BAG4: variants seen among roughly 807,000 people sequenced by gnomAD.
BAG4 encodes the protein BAG family molecular chaperone regulator 4.
A neutral mutation model predicts 52.1 loss-of-function variants in BAG4; 28 were observed. That is an observed-to-expected ratio of 0.54 (90% confidence interval 0.40 to 0.74). The LOEUF (loss-of-function observed/expected upper bound fraction) is 0.74. Ranked by LOEUF, BAG4 falls within the 30% of genes least tolerant of loss-of-function variation. BAG4 has a pLI of 0.00. For missense variants in BAG4, 525 were observed against 572.0 expected (o/e 0.92, Z 0.84); for synonymous variants, 208 against 217.0 (o/e 0.96, Z 0.37).
intron 1 of BAG4, among the ~76,000 whole-genome samples, chr8:38,181,944 A>C (rs1471421761): frequency 7.4e-6 from 1 of 134,568 alleles, no homozygotes. Flanking sequence ...GTTAGAGTTG[A>C]GAAACCTTTT....
At chr8:38,187,079 G>T (rs1295085158) in intron 1 of BAG4, among the ~76,000 whole-genome samples, 10 of 151,988 alleles carry the variant, frequency 6.6e-5, no homozygotes, top group Non-Finnish European at 1.5e-5. Context: ...CCATACACTG[G>T]AAAAAAAGCA....
intron 2 of BAG4, among the ~76,000 whole-genome samples, chr8:38,198,888 C>T (rs886192580): frequency 6.6e-6 from 1 of 152,102 alleles, no homozygotes; most frequent in African/African-American, 2.4e-5. Flanking sequence ...CTGTCTTTCA[C>T]CTCCTCATCT....
At chr8:38,207,945 G>GGTACCTTAGAT (rs113135203) in intron 3 of BAG4, among the ~76,000 whole-genome samples, 179 bp downstream of exon 3, 36,626 of 151,662 alleles carry the variant, frequency 0.24, 4,571 homozygotes, top group East Asian at 0.31. Flanking sequence ...TTTGGCTGAA[G>GGTACCTTAGAT]GTCATAATCA....
At chr8:38,201,897 T>C (rs1803685425) in intron 2 of BAG4, 1 of 117,940 alleles carries the variant, frequency 8.5e-6, no homozygotes, top group Non-Finnish European at 1.7e-5. Context: ...TTTTTTTTTT[T>C]TTTTTTTTTT....
chr8:38,210,954 CTT>C lies in BAG4; in HGVS notation c.*463_*464del, dbSNP rs1803858149. 1 of 153,940 alleles carries C rather than the reference CTT, an allele frequency of 6.5e-6. No homozygotes were observed. The highest frequency in any genetic ancestry group is 6.5e-5 in the Admixed American group (1 of 15,448). The allele number at this position is 153,940 out of a possible 1,614,324, so 9.5% of individuals were successfully genotyped here. A position where few individuals can be genotyped will look rare whatever the true frequency, so the allele number is the denominator to read the frequency against. ...ACTTCATGTGTAATTATAGCTTAGA[CTT>C]TAGCCTTCTTGGACTTCTGTTTTGT... is the stretch of plus-strand genomic sequence containing the variant. On this transcript the variant is annotated 3_prime_UTR_variant, in exon 5 of 5. Coordinates refer to ENST00000287322, the MANE Select transcript of BAG4 (RefSeq NM_004874.4).
At chr8:38,205,720 C>T (rs1803759665) in intron 2 of BAG4, among the ~76,000 whole-genome samples, 1 of 152,070 alleles carries the variant, frequency 6.6e-6, no homozygotes, top group Admixed American at 6.6e-5. Context: ...TATTATACCT[C>T]ATCCTGCATG....
intron 1 of BAG4, among the ~76,000 whole-genome samples, chr8:38,192,436 TTTTTC>T (rs1803490902): frequency 6.6e-6 from 1 of 152,110 alleles, no homozygotes; most frequent in Admixed American, 6.6e-5. Flanking sequence ...CCTATTCCCT[TTTTTC>T]TTTTATTTTT....
Position 38,207,786 on chromosome 8 carries a change from G to GA in BAG4, c.633+27dup, listed in dbSNP as rs1803798375. 1.2e-6 allele frequency: 2 copies of GA among 1,609,164 alleles called. No individual in the cohort carries two copies. Among genetic ancestry groups the GA allele is most frequent in the Non-Finnish European group, 1.7e-6 (2 of 1,178,272 alleles). Reference sequence around the variant, plus strand: ...TCACAGGTGAGTTGTTTTCTATTGGGAAAAAAATGAATTCAAAGTCTCTGC... The same window carrying GA: ...TCACAGGTGAGTTGTTTTCTATTGGGAAAAAAAATGAATTCAAAGTCTCTGC... On this transcript the variant is annotated intron_variant, in intron 3 of 4. Transcript: ENST00000287322.
rs774897872 is a variant in BAG4 at position 38,209,089 on chromosome 8, G to A, written c.710G>A (p.Arg237Gln). Residue 237 changes from arginine to glutamine, a missense_variant, in exon 4 of 5, where the codon CGA (arginine) becomes CAA (glutamine). Coordinates refer to ENST00000287322, the MANE Select transcript of BAG4 (RefSeq NM_004874.4). The part of the protein sequence containing the change: ...RSVPQSGPTV[R>Q]PQEDAWASPG... ...GTTCCACAATCAGGACCGACTGTAC[G>A]ACCACAAGAAGATGCGTGGGCTTCT... The A allele has an allele frequency of 1.2e-5, 20 of 1,614,012 alleles. No homozygotes were observed. Among genetic ancestry groups the A allele is most frequent in the Admixed American group, 1.7e-5 (1 of 59,990 alleles).
chr8:38,180,611 T>TA (rs1803248061), intron 1 of BAG4, among the ~76,000 whole-genome samples: 1 of 152,016 alleles, frequency 6.6e-6, no homozygotes, highest in African/African-American at 2.4e-5. Flanking sequence ...GACTTTTTTT[T>TA]ATGTTTTGCA....
chr8:38,208,968 A>G (rs1803821283), intron 3 of BAG4, 45 bp from the exon 4 acceptor site: 3 of 1,576,588 alleles, frequency 1.9e-6, no homozygotes, highest in South Asian at 1.2e-5. Flanking sequence ...TATTTTTATT[A>G]TAAGTTTTTC....
At chr8:38,203,454 T>G (rs917682470) in intron 2 of BAG4, among the ~76,000 whole-genome samples, 4 of 151,994 alleles carry the variant, frequency 2.6e-5, no homozygotes, top group African/African-American at 9.7e-5. Context: ...AGCTAATTTT[T>G]TTGTATTTTT....
intron 2 of BAG4, among the ~76,000 whole-genome samples, chr8:38,200,482 C>G (rs980634708): frequency 1.2e-4 from 19 of 152,304 alleles, no homozygotes; most frequent in African/African-American, 3.6e-4. Context: ...GACTCTCTCT[C>G]TCTTTTTTCT....
chr8:38,201,837 TATA>T (rs1563283898), intron 2 of BAG4: 3 of 8,834 alleles, frequency 3.4e-4, no homozygotes, highest in East Asian at 6.6e-3. Context: ...GTGGAATTTA[TATA>T]TATATATATA....
chr8:38,180,992 G>A (rs1265876642), intron 1 of BAG4, among the ~76,000 whole-genome samples: 1 of 149,928 alleles, frequency 6.7e-6, no homozygotes, highest in Non-Finnish European at 1.5e-5. Context: ...CCAGGCTGGA[G>A]TGCGGTGGCC....
At chr8:38,190,967 A>G (rs916915779) in intron 1 of BAG4, among the ~76,000 whole-genome samples, 1 of 152,050 alleles carries the variant, frequency 6.6e-6, no homozygotes, top group African/African-American at 2.4e-5. Flanking sequence ...CGTGTTGGCC[A>G]GGCTGGTCTC....
At chr8:38,201,839 TA>T (rs1486736112) in intron 2 of BAG4, 4 of 8,680 alleles carry the variant, frequency 4.6e-4, no homozygotes, top group Non-Finnish European at 5.8e-4. Flanking sequence ...GGAATTTATA[TA>T]TATATATATA....
intron 1 of BAG4, among the ~76,000 whole-genome samples, chr8:38,184,994 C>T (rs1049013984): frequency 2.0e-5 from 3 of 150,530 alleles, no homozygotes; most frequent in Non-Finnish European, 3.0e-5. Context: ...GAGGCTGAGG[C>T]GGGAGAATGG....
chr8:38,184,449 G>C (rs561726906), intron 1 of BAG4, among the ~76,000 whole-genome samples: 1 of 151,392 alleles, frequency 6.6e-6, no homozygotes, highest in Admixed American at 6.6e-5. Context: ...TCTGGGTGAC[G>C]GAGTGAGACC....
Sources: gnomAD v4.1 joint callset for allele counts (sites outside exome capture counted in the v4.1 genomes callset) on GRCh38, gnomAD v4.1.1 for gene constraint, MANE v1.5 for transcripts, NCBI Gene and HGNC (gene_info 2026-07-23, HGNC 2026-07-21) for gene names.